The following RAPGEF6 variants were observed in gnomAD, a reference collection of about 807,000 sequenced individuals.
RAPGEF6 encodes PDZ domain containing guanine nucleotide exchange factor (GEF) 2.
In RAPGEF6, 56 loss-of-function variants were observed where a neutral mutation model predicts 171.4. That is an observed-to-expected ratio of 0.33 (90% CI 0.26 to 0.41). The LOEUF (loss-of-function observed/expected upper bound fraction) is 0.41, where lower values mean the gene tolerates loss of function less well. Ranked by LOEUF, RAPGEF6 falls within the 10% of genes least tolerant of loss-of-function variation. The pLI is 1.00. For missense variants in RAPGEF6, 1,674 were observed against 1,921.4 expected (o/e 0.87, Z 2.41); for synonymous variants, 692 against 650.1 (o/e 1.06, Z -0.98).
chr5:131,603,243 AG>A, intron 3 of RAPGEF6, 27 bp downstream of exon 3: 1 of 1,475,112 alleles, frequency 6.8e-7, no homozygotes, highest in Non-Finnish European at 9.3e-7. Flanking sequence ...AAAAGTCATT[AG>A]TTTATGTGAA....
chr5:131,525,332 G>C (rs1580969279), intron 6 of RAPGEF6, among the ~76,000 whole-genome samples: 1 of 8,150 alleles, frequency 1.2e-4, no homozygotes, highest in Admixed American at 1.0e-3. Flanking sequence ...GCAATAACAC[G>C]CAAATAAGGT....
chr5:131,548,376 T>G (rs552364037), intron 5 of RAPGEF6, among the ~76,000 whole-genome samples, 186 bp from the exon 6 acceptor site: 2 of 152,340 alleles, frequency 1.3e-5, no homozygotes, highest in East Asian at 3.9e-4. Flanking sequence ...TATAAAGATC[T>G]GGAGACCACA....
chr5:131,474,674 T>C (rs1754978965), intron 16 of RAPGEF6, among the ~76,000 whole-genome samples: 1 of 152,196 alleles, frequency 6.6e-6, no homozygotes, highest in Non-Finnish European at 1.5e-5. Flanking sequence ...CCTTATAATT[T>C]GGTTTGTATT....
intron 1 of RAPGEF6, among the ~76,000 whole-genome samples, chr5:131,614,119 T>C (rs1765116556): frequency 6.6e-6 from 1 of 151,588 alleles, no homozygotes; most frequent in African/African-American, 2.4e-5. Flanking sequence ...CCATCTCTAC[T>C]AAAAATACAA....
intron 2 of RAPGEF6, among the ~76,000 whole-genome samples, chr5:131,604,137 G>A (rs1391677612): frequency 1.3e-5 from 2 of 152,000 alleles, no homozygotes; most frequent in African/African-American, 4.8e-5. Flanking sequence ...CCTTTCACTT[G>A]TATAATACAA....
intron 3 of RAPGEF6, among the ~76,000 whole-genome samples, chr5:131,593,376 T>C (rs1580641069): frequency 6.6e-6 from 1 of 152,248 alleles, no homozygotes; most frequent in African/African-American, 2.4e-5. Context: ...GCCTATGTTT[T>C]CTAATTTTGC....
chr5:131,631,842 C>A (rs1766326054), intron 1 of RAPGEF6, among the ~76,000 whole-genome samples: 1 of 152,052 alleles, frequency 6.6e-6, no homozygotes, highest in Admixed American at 6.5e-5. Context: ...TTTGGGAGGC[C>A]AAGGCGGGCA....
intron 6 of RAPGEF6, among the ~76,000 whole-genome samples, chr5:131,528,200 A>G (rs1289824597): frequency 1.6e-5 from 2 of 125,928 alleles, no homozygotes; most frequent in Non-Finnish European, 3.2e-5. Context: ...ATAATTATAT[A>G]TATTATATAT....
At chr5:131,585,009 A>G (rs554968927) in intron 4 of RAPGEF6, among the ~76,000 whole-genome samples, 7 of 152,340 alleles carry the variant, frequency 4.6e-5, no homozygotes, top group African/African-American at 1.7e-4. Context: ...TTTATTAAAG[A>G]AAAAACAGAA....
chr5:131,556,950 T>A (rs1444182526), intron 5 of RAPGEF6, among the ~76,000 whole-genome samples: 1 of 152,204 alleles, frequency 6.6e-6, no homozygotes, highest in African/African-American at 2.4e-5. Context: ...TTAAGTTTAA[T>A]CTTAAGTGTT....
At chr5:131,565,764 G>A (rs1761891826) in intron 4 of RAPGEF6, among the ~76,000 whole-genome samples, 1 of 152,136 alleles carries the variant, frequency 6.6e-6, no homozygotes, top group South Asian at 2.1e-4. Context: ...CCTATAAATG[G>A]TGGGAAACAA....
intron 12 of RAPGEF6, among the ~76,000 whole-genome samples, chr5:131,496,575 G>A (rs1756653738): frequency 6.6e-6 from 1 of 152,088 alleles, no homozygotes; most frequent in African/African-American, 2.4e-5. Flanking sequence ...CTATTTGTCT[G>A]TTCTGGCTAT....
At chr5:131,616,612 A>C (rs1212642832) in intron 1 of RAPGEF6, among the ~76,000 whole-genome samples, 2 of 152,204 alleles carry the variant, frequency 1.3e-5, no homozygotes. Flanking sequence ...TTTCTTACCT[A>C]TGATACACTT....
intron 15 of RAPGEF6, among the ~76,000 whole-genome samples, chr5:131,488,568 C>T (rs185564326): frequency 2.6e-5 from 4 of 152,144 alleles, no homozygotes; most frequent in East Asian, 3.9e-4. Context: ...TAATATAATA[C>T]TAAATTGCCA....
At chr5:131,569,732 A>G (rs550716164) in intron 4 of RAPGEF6, among the ~76,000 whole-genome samples, 1 of 152,240 alleles carries the variant, frequency 6.6e-6, no homozygotes, top group African/African-American at 2.4e-5. Context: ...TTATGCTTCA[A>G]AAGACACTAT....
chr5:131,624,858 C>T (rs567227807), intron 1 of RAPGEF6, among the ~76,000 whole-genome samples: 2 of 152,350 alleles, frequency 1.3e-5, no homozygotes, highest in African/African-American at 4.8e-5. Context: ...CGCAGTTGCT[C>T]ACGCCTGTAA....
chr5:131,509,191 C>A (rs1269083887), intron 8 of RAPGEF6, among the ~76,000 whole-genome samples: 2 of 152,142 alleles, frequency 1.3e-5, no homozygotes, highest in Non-Finnish European at 2.9e-5. Context: ...TTCAACTTCC[C>A]AACTAAAGTA....
chr5:131,611,166 GC>G (rs144246261), intron 1 of RAPGEF6, among the ~76,000 whole-genome samples: 3,666 of 152,224 alleles, frequency 0.024, 58 homozygotes, highest in Non-Finnish European at 0.038. Flanking sequence ...TGTCACATGA[GC>G]ATTCTGGTGT....
chr5:131,433,503 G>A lies in RAPGEF6; in HGVS notation c.3901C>T (p.Pro1301Ser). ...ERCSSQALAVPESTGALEKTE... is the reference protein window; with the variant it reads ...ERCSSQALAVSESTGALEKTE... Reference sequence around the variant, plus strand: ...TTTTCCAATGCCCCAGTGGATTCAGGGACTGCCAGGGCCTGAGAGGAACAC... The same window carrying A: ...TTTTCCAATGCCCCAGTGGATTCAGAGACTGCCAGGGCCTGAGAGGAACAC... The change falls in exon 25 of 28, where the codon CCT (proline) becomes TCT (serine). Residue 1301 changes from proline (P) to serine (S), a missense_variant. By Grantham distance (74) the Pro-to-Ser change is moderately conservative. Around this residue, in one of 3 missense-constraint regions of RAPGEF6, gnomAD observed 552 missense variants for 574.2 expected, o/e 0.96. Coordinates refer to ENST00000509018, the MANE Select transcript of RAPGEF6 (RefSeq NM_016340.6). 1 of 1,613,956 alleles carries A rather than the reference G, an allele frequency of 6.2e-7. No homozygotes were observed. Among genetic ancestry groups the A allele is most frequent in the Non-Finnish European group, 8.5e-7 (1 of 1,179,906 alleles).
Sources: gnomAD v4.1 joint callset for allele counts (sites outside exome capture counted in the v4.1 genomes callset) on GRCh38, gnomAD v4.1.1 for gene constraint, gnomAD v4.1.1 regional missense constraint, MANE v1.5 for transcripts, NCBI Gene and HGNC (gene_info 2026-07-23, HGNC 2026-07-21) for gene names.